YPEL5: variants seen among roughly 807,000 people sequenced by gnomAD.
The protein encoded by YPEL5 is yippee like 5, also known as protein yippee-like 5.
A neutral mutation model predicts 10.5 loss-of-function variants in YPEL5; 1 was observed. The ratio of observed to expected loss-of-function variants is 0.10; its 90% CI spans 0.03 to 0.45. YPEL5 has a LOEUF of 0.45. Among genes scored for constraint, YPEL5 ranks in the 20% least tolerant of loss-of-function variants. YPEL5 has a pLI of 0.97. For missense variants in YPEL5, 68 were observed against 159.3 expected (o/e 0.43, Z 3.09); for synonymous variants, 61 against 56.6 (o/e 1.08, Z -0.35).
intron 2 of YPEL5, among the ~76,000 whole-genome samples, chr2:30,158,133 A>G (rs1263280217): frequency 6.6e-6 from 1 of 152,214 alleles, no homozygotes; most frequent in Non-Finnish European, 1.5e-5. Flanking sequence ...CTGCAGATGT[A>G]TGGTCTTTAG....
At chr2:30,158,583 T>C (rs1461247862) in intron 2 of YPEL5, 36 bp from the exon 3 acceptor site, 11 of 1,598,156 alleles carry the variant, frequency 6.9e-6, no homozygotes, top group Non-Finnish European at 9.4e-6. Context: ...ATAACTAACA[T>C]GCCTTGCAAT....
intron 1 of YPEL5, among the ~76,000 whole-genome samples, chr2:30,150,364 G>T (rs1164449435): frequency 6.6e-6 from 1 of 152,172 alleles, no homozygotes; most frequent in Admixed American, 6.5e-5. Context: ...TCATAACTCA[G>T]AGGTGGCTGC....
At chr2:30,154,940 T>C (rs1171953427) in intron 1 of YPEL5, among the ~76,000 whole-genome samples, 1 of 152,148 alleles carries the variant, frequency 6.6e-6, no homozygotes, top group African/African-American at 2.4e-5. Context: ...GGTTTCACCA[T>C]GTTAACCAGG....
intron 1 of YPEL5, among the ~76,000 whole-genome samples, chr2:30,152,316 G>A (rs1675834136): frequency 6.6e-6 from 1 of 152,142 alleles, no homozygotes; most frequent in Non-Finnish European, 1.5e-5. Context: ...GAAATGAAGT[G>A]GTACGTATGA....
At chr2:30,156,563 C>T in intron 1 of YPEL5, 65 bp from the exon 2 acceptor site, 1 of 1,452,624 alleles carries the variant, frequency 6.9e-7, no homozygotes, top group Non-Finnish European at 9.5e-7. Flanking sequence ...CTCTATGACA[C>T]CCCCCAAGTA....
At chr2:30,155,758 T>C (rs1216044622) in intron 1 of YPEL5, 2 of 152,264 alleles carry the variant, frequency 1.3e-5, no homozygotes, top group African/African-American at 4.8e-5. Flanking sequence ...TCAGCACTTT[T>C]ATGATTTATT....
At position 30,159,149 on chromosome 2, in the gene YPEL5, G is replaced by C. The variant is rs1191879345; in HGVS notation, c.*306G>C. On this transcript the variant is annotated 3_prime_UTR_variant, in exon 3 of 3. Coordinates refer to ENST00000261353, the MANE Select transcript of YPEL5 (RefSeq NM_016061.3). The stretch of plus-strand genomic sequence containing the variant: ...GAGCTATGTAAGGAAAAAAATCTGG[G>C]CTGTTAGAGTGAAAAAGTGTGTTTT... The C allele has an allele frequency of 7.2e-6, 2 of 276,938 alleles. No homozygotes were observed. The highest frequency in any genetic ancestry group is 1.4e-5 in the Non-Finnish European group (2 of 147,002). The allele number at this position is 276,938 out of a possible 1,614,324, so 17.2% of individuals were successfully genotyped here. A position where few individuals can be genotyped will look rare whatever the true frequency, so the allele number is the denominator to read the frequency against.
intron 1 of YPEL5, chr2:30,156,295 A>G (rs1676036629): frequency 4.9e-6 from 1 of 203,616 alleles, no homozygotes; most frequent in African/African-American, 2.3e-5. Flanking sequence ...CCTCTCTGCC[A>G]GTGCTTTACA....
intron 1 of YPEL5, among the ~76,000 whole-genome samples, chr2:30,152,147 T>C (rs1304478727): frequency 6.6e-6 from 1 of 152,202 alleles, no homozygotes; most frequent in African/African-American, 2.4e-5. Context: ...TGTAGAGTAT[T>C]CCTTAATAAA....
chr2:30,158,983 T>A lies in YPEL5; in HGVS notation c.*140T>A, dbSNP rs1248222898. 6 of 751,344 alleles carry A rather than the reference T, an allele frequency of 8.0e-6. No homozygotes were observed. The highest frequency in any genetic ancestry group is 1.3e-5 in the Non-Finnish European group (6 of 476,312). The allele number at this position is 751,344 out of a possible 1,614,324, so 46.5% of individuals were successfully genotyped here. ...GTTGTGAGAATCTAAGATGGAACCT[T>A]TCTTTCTTTCTTTCTTTTTTTTTAA... On this transcript the variant is annotated 3_prime_UTR_variant, in exon 3 of 3. Transcript: ENST00000261353.
chr2:30,155,568 G>A (rs957200904), intron 1 of YPEL5, among the ~76,000 whole-genome samples: 2 of 152,154 alleles, frequency 1.3e-5, no homozygotes, highest in Non-Finnish European at 2.9e-5. Context: ...AATAAATTAT[G>A]TTTTAAATTA....
intron 2 of YPEL5, 34 bp downstream of exon 2, chr2:30,156,826 T>C: frequency 6.2e-7 from 1 of 1,612,592 alleles, no homozygotes; most frequent in Non-Finnish European, 8.5e-7. Context: ...CTAAGTGGGC[T>C]TATTGGCTGT....
rs1676206978 is a variant in YPEL5, at chr2:30,159,851, C to G, written c.*1008C>G. 1 of 152,380 alleles carries G rather than the reference C, an allele frequency of 6.6e-6. No individual in the cohort carries two copies. The highest frequency in any genetic ancestry group is 1.5e-5 in the Non-Finnish European group (1 of 68,000). 9.4% of individuals were successfully genotyped at this position (152,380 alleles called of 1,614,324 possible). ...TGCTTTACAAAGCATTTCAGCCTTT[C>G]CCCCTCAGTTTTGCATTGATTTTTT... On this transcript the variant is annotated 3_prime_UTR_variant, in exon 3 of 3. Coordinates refer to ENST00000261353, the MANE Select transcript of YPEL5 (RefSeq NM_016061.3).
intron 1 of YPEL5, among the ~76,000 whole-genome samples, chr2:30,155,511 A>C (rs1439059286): frequency 6.6e-6 from 1 of 152,184 alleles, no homozygotes; most frequent in Admixed American, 6.5e-5. Flanking sequence ...CATTGGAAAG[A>C]TGTATAATAA....
rs969944977 is a variant in YPEL5, at chr2:30,159,508, C to T, written c.*665C>T. ...GACAGAACTGCTGGGTTGTCTTTTT[C>T]CATGTAACTTAAGCATAGTAATATA... is the stretch of plus-strand genomic sequence containing the variant. On this transcript the variant is annotated 3_prime_UTR_variant, in exon 3 of 3. Transcript: ENST00000261353. 9 of 152,578 alleles carry T rather than the reference C, an allele frequency of 5.9e-5. No individual in the cohort carries two copies. The highest frequency in any genetic ancestry group is 1.0e-4 in the Non-Finnish European group (7 of 68,042). The allele number at this position is 152,578 out of a possible 1,614,324, so 9.5% of individuals were successfully genotyped here.
intron 1 of YPEL5, among the ~76,000 whole-genome samples, chr2:30,153,944 GTT>G (rs564989737): frequency 1.3e-5 from 2 of 152,218 alleles, no homozygotes; most frequent in African/African-American, 4.8e-5. Context: ...GATCACAGTA[GTT>G]TTTAGCCAAG....
At chr2:30,158,579 A>C (rs1016970682) in intron 2 of YPEL5, 40 bp from the exon 3 acceptor site, 8 of 1,592,098 alleles carry the variant, frequency 5.0e-6, no homozygotes, top group Non-Finnish European at 6.9e-6. Context: ...GCAAATAACT[A>C]ACATGCCTTG....
intron 1 of YPEL5, chr2:30,147,870 T>G (rs1355332994): frequency 4.5e-5 from 7 of 154,144 alleles, no homozygotes; most frequent in Admixed American, 6.5e-5. Context: ...CGCCGCGCTC[T>G]GCCGCCCCGG....
At chr2:30,150,068 AC>A (rs1675712545) in intron 1 of YPEL5, among the ~76,000 whole-genome samples, 2 of 152,204 alleles carry the variant, frequency 1.3e-5, no homozygotes, top group Admixed American at 1.3e-4. Context: ...GACAACAAGT[AC>A]CTATTTTAAG....
Sources: allele counts gnomAD v4.1 joint callset (sites outside exome capture counted in the v4.1 genomes callset), GRCh38; gene constraint gnomAD v4.1.1; transcripts MANE v1.5; gene names NCBI Gene and HGNC (gene_info 2026-07-23, HGNC 2026-07-21).